LRRTM4: variants seen among roughly 807,000 people sequenced by gnomAD.
LRRTM4 encodes the protein leucine rich repeat transmembrane neuronal 4.
Under a neutral mutation model 47.6 loss-of-function variants are expected in LRRTM4, and 25 were observed. The observed-to-expected ratio is 0.53, with a 90% CI of 0.38 to 0.73. The LOEUF is 0.73. Ranked by LOEUF, LRRTM4 falls within the 30% of genes least tolerant of loss-of-function variation. The probability of loss-of-function intolerance (pLI) is 0.00; values close to 1 mark genes in which losing one functional copy is unlikely to be tolerated. For synonymous variants in LRRTM4, 311 were observed against 269.5 expected, an observed-to-expected ratio of 1.15 and a Z score of -1.51; for missense variants, 638 against 713.4, an observed-to-expected ratio of 0.89 and a Z score of 1.20.
At chr2:76,902,491 G>A (rs944253737) in intron 3 of LRRTM4, among the ~76,000 whole-genome samples, 3 of 152,126 alleles carry the variant, frequency 2.0e-5, no homozygotes, top group African/African-American at 7.2e-5. Context: ...GGAAAAGAAC[G>A]TGAGCCATGT....
At chr2:76,825,908 C>G (rs1671177679) in intron 3 of LRRTM4, among the ~76,000 whole-genome samples, 1 of 151,556 alleles carries the variant, frequency 6.6e-6, no homozygotes, top group Non-Finnish European at 1.5e-5. Context: ...TCTGTAAGAG[C>G]AGAAATTATT....
At chr2:76,834,365 T>C (rs994086261) in intron 3 of LRRTM4, among the ~76,000 whole-genome samples, 7 of 152,146 alleles carry the variant, frequency 4.6e-5, no homozygotes, top group Admixed American at 2.6e-4. Context: ...CATGCCCTTA[T>C]TTTTGTACTT....
At chr2:76,842,528 A>G (rs1671714728) in intron 3 of LRRTM4, among the ~76,000 whole-genome samples, 1 of 152,172 alleles carries the variant, frequency 6.6e-6, no homozygotes, top group African/African-American at 2.4e-5. Context: ...GGACTAGCCT[A>G]CTTTAAACAT....
At chr2:77,455,514 C>G (rs1384520653) in intron 3 of LRRTM4, among the ~76,000 whole-genome samples, 1 of 152,098 alleles carries the variant, frequency 6.6e-6, no homozygotes, top group East Asian at 1.9e-4. Flanking sequence ...ACATACCACA[C>G]ACTTCCAGCC....
At chr2:76,792,076 C>A (rs2103717912) in intron 3 of LRRTM4, among the ~76,000 whole-genome samples, 1 of 152,092 alleles carries the variant, frequency 6.6e-6, no homozygotes, top group South Asian at 2.1e-4. Context: ...TGGAGGCAGG[C>A]AGAATACTTA....
At chr2:77,139,641 G>T (rs1340217017) in intron 3 of LRRTM4, among the ~76,000 whole-genome samples, 1 of 151,400 alleles carries the variant, frequency 6.6e-6, no homozygotes, top group Non-Finnish European at 1.5e-5. Context: ...AATCAGGCAG[G>T]AGAAATAAAG....
At chr2:77,035,383 G>C (rs768386288) in intron 3 of LRRTM4, among the ~76,000 whole-genome samples, 1 of 151,888 alleles carries the variant, frequency 6.6e-6, no homozygotes, top group Admixed American at 6.6e-5. Context: ...ATTGACATTG[G>C]TATAATCAAG....
intron 3 of LRRTM4, among the ~76,000 whole-genome samples, chr2:77,339,244 G>A (rs999335247): frequency 1.3e-5 from 2 of 151,854 alleles, no homozygotes; most frequent in Non-Finnish European, 2.9e-5. Flanking sequence ...CCTCCTGAAT[G>A]TAAAAATTTT....
At chr2:76,989,027 A>G (rs981417267) in intron 3 of LRRTM4, among the ~76,000 whole-genome samples, 21 of 151,700 alleles carry the variant, frequency 1.4e-4, no homozygotes, top group Non-Finnish European at 3.1e-4. Context: ...TTTTACTTCA[A>G]GCATCTTATC....
chr2:76,775,413 T>C (rs1045694377), intron 3 of LRRTM4, among the ~76,000 whole-genome samples: 1 of 152,176 alleles, frequency 6.6e-6, no homozygotes, highest in Non-Finnish European at 1.5e-5. Context: ...TAGATGCCTT[T>C]GGTGCTGAAC....
chr2:77,521,720 T>C lies in LRRTM4; in HGVS notation c.-49A>G. On this transcript the variant is annotated 5_prime_UTR_variant, in exon 2 of 4. Transcript: ENST00000409884. ...CCCCCTCTCTCAGCTTTCTTCTTAT[T>C]TGGTCTCTTGTGCGGAAACCACCAC... 6.2e-7 allele frequency: 1 copy of C among 1,610,988 alleles called. No homozygotes were observed. The highest frequency in any genetic ancestry group is 8.5e-7 in the Non-Finnish European group (1 of 1,178,190).
At chr2:77,009,391 G>C (rs1677783274) in intron 3 of LRRTM4, 1 of 152,072 alleles carries the variant, frequency 6.6e-6, no homozygotes, top group African/African-American at 2.4e-5. Flanking sequence ...AAGCCTGCTA[G>C]TGATTTTGAA....
At chr2:76,763,477 A>T (rs1673337614) in intron 3 of LRRTM4, among the ~76,000 whole-genome samples, 1 of 152,224 alleles carries the variant, frequency 6.6e-6, no homozygotes, top group African/African-American at 2.4e-5. Context: ...AACCTAAGAG[A>T]AGAGTTCTCA....
chr2:77,157,179 ATGT>A (rs1558609508), intron 3 of LRRTM4, among the ~76,000 whole-genome samples: 1 of 152,172 alleles, frequency 6.6e-6, no homozygotes, highest in African/African-American at 2.4e-5. Flanking sequence ...AAATGATCAA[ATGT>A]TGGCTAAAAG....
chr2:76,803,784 ATAAC>A (rs1163175397), intron 3 of LRRTM4, among the ~76,000 whole-genome samples: 1 of 152,174 alleles, frequency 6.6e-6, no homozygotes, highest in Non-Finnish European at 1.5e-5. Flanking sequence ...TTCCTTCACC[ATAAC>A]TAATAACAGT....
At chr2:77,078,132 G>C (rs901770578) in intron 3 of LRRTM4, among the ~76,000 whole-genome samples, 9 of 152,052 alleles carry the variant, frequency 5.9e-5, no homozygotes, top group Admixed American at 5.2e-4. Context: ...TTGCTTTAAA[G>C]CAATAAGCAA....
At chr2:77,195,921 C>A (rs116106690) in intron 3 of LRRTM4, among the ~76,000 whole-genome samples, 1 of 151,198 alleles carries the variant, frequency 6.6e-6, no homozygotes, top group Non-Finnish European at 1.5e-5. Flanking sequence ...GTATTTAAAA[C>A]GGATCTTGAA....
At chr2:77,205,806 G>C (rs1674107582) in intron 3 of LRRTM4, among the ~76,000 whole-genome samples, 1 of 152,102 alleles carries the variant, frequency 6.6e-6, no homozygotes, top group Non-Finnish European at 1.5e-5. Flanking sequence ...ATCAACTTCA[G>C]ACATCATTAA....
intron 3 of LRRTM4, among the ~76,000 whole-genome samples, chr2:76,955,906 A>C (rs1170789598): frequency 6.6e-6 from 1 of 151,822 alleles, no homozygotes; most frequent in Non-Finnish European, 1.5e-5. Context: ...ATAGCAGCCC[A>C]AACTGACAAA....
Sources: allele counts gnomAD v4.1 joint callset (sites outside exome capture counted in the v4.1 genomes callset), GRCh38; gene constraint gnomAD v4.1.1; transcripts MANE v1.5; gene names NCBI Gene and HGNC (gene_info 2026-07-23, HGNC 2026-07-21).